P4HB: variants seen among roughly 807,000 people sequenced by gnomAD.
P4HB encodes prolyl 4-hydroxylase subunit beta.
Under a neutral mutation model 52.6 loss-of-function variants are expected in P4HB, and 20 were observed. The ratio of observed to expected loss-of-function variants is 0.38; its 90% confidence interval spans 0.27 to 0.55. P4HB has a LOEUF of 0.55. Ranked by LOEUF, P4HB falls within the 20% of genes least tolerant of loss-of-function variation. The probability of loss-of-function intolerance (pLI) is 0.74; values close to 1 mark genes in which losing one functional copy is unlikely to be tolerated. For synonymous variants in P4HB, 296 were observed against 277.9 expected, an observed-to-expected ratio of 1.07 and a Z score of -0.65; for missense variants, 601 against 669.2, an observed-to-expected ratio of 0.90 and a Z score of 1.12.
At chr17:81,853,809 C>T (rs2038871309) in intron 4 of P4HB, among the ~76,000 whole-genome samples, 2 of 152,200 alleles carry the variant, frequency 1.3e-5, no homozygotes, top group Admixed American at 6.5e-5. Flanking sequence ...TCTCTCCTAT[C>T]CACACTACCC....
In P4HB at chr17:81,860,490, G is replaced by C. The variant is rs763222254; in HGVS notation, c.-19C>G. ...GCAGCATGTCGGACACGGATCAGGC[G>C]GGGCGCTTCGGTTGGCGCCGCCGGG... On this transcript the variant is annotated 5_prime_UTR_variant, in exon 1 of 11. Coordinates refer to ENST00000331483, the MANE Select transcript of P4HB (RefSeq NM_000918.4). 8.0e-7 allele frequency: 1 copy of C among 1,254,052 alleles called. No homozygotes were observed. The highest frequency in any genetic ancestry group is 1.0e-6 in the Non-Finnish European group (1 of 997,108). The allele number at this position is 1,254,052 out of a possible 1,614,324, so 77.7% of individuals were successfully genotyped here. A position where few individuals can be genotyped will look rare whatever the true frequency, so the allele number is the denominator to read the frequency against.
In P4HB at chr17:81,855,024, A is replaced by AT. The variant is rs1567840510; in HGVS notation, c.624+117dup. On this transcript the variant is annotated intron_variant, in intron 4 of 10. Transcript: ENST00000331483. This position sits in a 1 kb window ranked among gnomAD's most constrained non-coding sequence, Gnocchi z 4.3. Reference sequence around the variant, plus strand: ...CCCCAACTTGGCAAAGCTGCAGAACATACCTATTGGGCCAAAGGTGCCAGG... The same window carrying AT: ...CCCCAACTTGGCAAAGCTGCAGAACATTACCTATTGGGCCAAAGGTGCCAGG... 2 of 967,104 alleles carry AT rather than the reference A, an allele frequency of 2.1e-6. No homozygotes were observed. Among genetic ancestry groups the AT allele is most frequent in the Non-Finnish European group, 3.3e-6 (2 of 613,792 alleles). The allele number at this position is 967,104 out of a possible 1,614,324, so 59.9% of individuals were successfully genotyped here.
At chr17:81,847,486 T>C (rs1328225550) in intron 4 of P4HB, 139 bp from the exon 5 acceptor site, 2 of 717,746 alleles carry the variant, frequency 2.8e-6, no homozygotes, top group African/African-American at 1.7e-5. Context: ...GGTCCAGCAA[T>C]GGGTACAGGA....
In P4HB at chr17:81,860,443, G is replaced by A. The variant is rs746918452; in HGVS notation, c.29C>T (p.Ala10Val). 3 of 1,391,462 alleles carry A rather than the reference G, an allele frequency of 2.2e-6. No homozygotes were observed. Among genetic ancestry groups the A allele is most frequent in the South Asian group, 1.6e-5 (1 of 63,414 alleles). The allele number at this position is 1,391,462 out of a possible 1,614,324, so 86.2% of individuals were successfully genotyped here. The change falls in exon 1 of 11, where the codon GCC (alanine) becomes GTC (valine). Residue 10 changes from alanine to valine, a missense_variant. Coordinates refer to ENST00000331483, the MANE Select transcript of P4HB (RefSeq NM_000918.4). Reference sequence around the variant, plus strand: ...GTCGGCGCGCACCAGGGCGGCCACGGCCAGGCACAGCAGAGCGCGGCGCAG... The same window carrying A: ...GTCGGCGCGCACCAGGGCGGCCACGACCAGGCACAGCAGAGCGCGGCGCAG... MLRRALLCL[A>V]VAALVRADAP...
At position 81,843,654 on chromosome 17, in the gene P4HB, A is replaced by C; in HGVS notation, c.*358T>G. On this transcript the variant is annotated 3_prime_UTR_variant, in exon 11 of 11. Coordinates refer to ENST00000331483, the MANE Select transcript of P4HB (RefSeq NM_000918.4). ...GTCGAAAAATGTCTAAAAATCCCACAGACGGAATTTTCAAAAAGAGGAGAA... is the reference window on the plus strand; with the variant it reads ...GTCGAAAAATGTCTAAAAATCCCACCGACGGAATTTTCAAAAAGAGGAGAA... 4.4e-6 allele frequency: 2 copies of C among 458,426 alleles called. No individual in the cohort carries two copies. The highest frequency in any genetic ancestry group is 7.7e-6 in the Non-Finnish European group (2 of 260,616). 28.4% of individuals were successfully genotyped at this position (458,426 alleles called of 1,614,324 possible). A position where few individuals can be genotyped will look rare whatever the true frequency, so the allele number is the denominator to read the frequency against.
At chr17:81,847,199 C>T in intron 5 of P4HB, 44 bp downstream of exon 5, 1 of 1,605,056 alleles carries the variant, frequency 6.2e-7, no homozygotes, top group South Asian at 1.1e-5. Flanking sequence ...ACCCCCAACC[C>T]ACTCCTCCCC....
intron 2 of P4HB, among the ~76,000 whole-genome samples, chr17:81,858,649 C>T (rs1405065209): frequency 3.3e-5 from 5 of 152,164 alleles, no homozygotes; most frequent in Non-Finnish European, 7.3e-5. Flanking sequence ...CGGAGCAGGG[C>T]GGGCTTGGAT....
At chr17:81,852,122 G>C (rs1001668523) in intron 4 of P4HB, among the ~76,000 whole-genome samples, 8 of 152,226 alleles carry the variant, frequency 5.3e-5, no homozygotes, top group African/African-American at 1.9e-4. Flanking sequence ...GGTCGAAGCT[G>C]CAGTGAAGTG....
rs200719772 is a variant in P4HB at position 81,845,953 on chromosome 17, G to C, written c.1095C>G (p.Asp365Glu). Residue 365 changes from aspartate to glutamate, a missense_variant, in exon 8 of 11, where the codon GAC (aspartate) becomes GAG (glutamate). Coordinates refer to ENST00000331483, the MANE Select transcript of P4HB (RefSeq NM_000918.4). ...LMSQELPEDW[D>E]KQPVKVLVGK... ...CAACAAGCACCTTGACAGGCTGCTT[G>C]TCCCAGTCCTCCGGCAGCTCCTGGC... is the stretch of plus-strand genomic sequence containing the variant. 2.4e-5 allele frequency: 38 copies of C among 1,612,828 alleles called. No individual in the cohort carries two copies. The highest frequency in any genetic ancestry group is 2.9e-5 in the Non-Finnish European group (34 of 1,179,536).
At chr17:81,853,213 C>T (rs898492139) in intron 4 of P4HB, among the ~76,000 whole-genome samples, 11 of 152,160 alleles carry the variant, frequency 7.2e-5, no homozygotes, top group African/African-American at 2.4e-4. Flanking sequence ...CGCACCACCG[C>T]GCTCCAGGAA....
At chr17:81,845,121 C>A in intron 10 of P4HB, 23 bp downstream of exon 10, 1 of 1,580,976 alleles carries the variant, frequency 6.3e-7, no homozygotes, top group Non-Finnish European at 8.7e-7. Flanking sequence ...CAGAGACCAG[C>A]CCAGGGCTGT....
chr17:81,857,395 C>G (rs766920904), intron 2 of P4HB, among the ~76,000 whole-genome samples: 1 of 152,162 alleles, frequency 6.6e-6, no homozygotes, highest in African/African-American at 2.4e-5. Flanking sequence ...GTGATCCACC[C>G]GTCTCAGCCT....
chr17:81,857,458 C>A (rs557795766), intron 2 of P4HB, among the ~76,000 whole-genome samples: 21 of 152,280 alleles, frequency 1.4e-4, no homozygotes, highest in Admixed American at 1.2e-3. Context: ...CTGTCCTCTG[C>A]GTTATCTAAA....
intron 10 of P4HB, among the ~76,000 whole-genome samples, chr17:81,844,398 G>C (rs2038701112): frequency 1.3e-5 from 2 of 152,190 alleles, no homozygotes; most frequent in Non-Finnish European, 1.5e-5. Context: ...GTGTCTCCCA[G>C]CTTGGCACCA....
intron 2 of P4HB, among the ~76,000 whole-genome samples, chr17:81,858,107 A>G (rs1182633763): frequency 6.6e-6 from 1 of 152,036 alleles, no homozygotes; most frequent in African/African-American, 2.4e-5. Context: ...CCCCGTCTCT[A>G]CTAAAAATAC....
At chr17:81,844,202 C>G (rs2038696904) in intron 10 of P4HB, 110 bp from the exon 11 acceptor site, 1 of 823,280 alleles carries the variant, frequency 1.2e-6, no homozygotes, top group Admixed American at 1.7e-5. Flanking sequence ...CCACGGCGGA[C>G]ATGGCCACCG....
chr17:81,859,562 A>G (rs2038964887), intron 1 of P4HB, 175 bp from the exon 2 acceptor site: 7 of 616,280 alleles, frequency 1.1e-5, no homozygotes, highest in South Asian at 9.8e-5. Flanking sequence ...TTCTTGGGCA[A>G]TATCAGGACA....
chr17:81,857,279 C>T (rs2038926866), intron 2 of P4HB, among the ~76,000 whole-genome samples: 2 of 152,142 alleles, frequency 1.3e-5, no homozygotes, highest in African/African-American at 4.8e-5. Context: ...TCCCAAGTAG[C>T]TGGGATTACA....
intron 4 of P4HB, among the ~76,000 whole-genome samples, chr17:81,854,261 G>C (rs1221820783): frequency 3.3e-5 from 5 of 151,738 alleles, no homozygotes; most frequent in Non-Finnish European, 7.4e-5. Flanking sequence ...AAACGTGGCC[G>C]GGCGCGGTGG....
Sources: allele counts gnomAD v4.1 joint callset (sites outside exome capture counted in the v4.1 genomes callset), GRCh38; gene constraint gnomAD v4.1.1; non-coding constraint Gnocchi (gnomAD v3.1); transcripts MANE v1.5; gene names NCBI Gene and HGNC (gene_info 2026-07-23, HGNC 2026-07-21).